The following PDS5A variants were observed in gnomAD, a reference collection of about 807,000 sequenced individuals.
PDS5A encodes PDS5 cohesin associated factor A.
In PDS5A, 42 loss-of-function variants were observed where a neutral mutation model predicts 167.1. That is an observed-to-expected ratio of 0.25 (90% CI 0.20 to 0.33). PDS5A has a LOEUF of 0.33. Ranked by LOEUF, PDS5A falls within the 10% of genes least tolerant of loss-of-function variation. PDS5A has a pLI of 1.00. For missense variants in PDS5A, 1,033 were observed against 1,605.9 expected (o/e 0.64, Z 6.10); for synonymous variants, 553 against 554.6 (o/e 1.00, Z 0.04).
At chr4:39,845,200 T>G (rs953534266) in intron 29 of PDS5A, among the ~76,000 whole-genome samples, 2 of 151,516 alleles carry the variant, frequency 1.3e-5, no homozygotes, top group East Asian at 3.8e-4. Context: ...AAAATGAGAC[T>G]GTCTCAAGAA....
At chr4:39,918,182 C>CAAA (rs11447119) in intron 7 of PDS5A, among the ~76,000 whole-genome samples, 3,527 of 88,414 alleles carry the variant, frequency 0.04, 149 homozygotes, top group East Asian at 0.072. Flanking sequence ...GACCCTGTCT[C>CAAA]AAAAAAAAAA....
intron 12 of PDS5A, 122 bp from the exon 13 acceptor site, chr4:39,902,582 GT>G (rs1722974672): frequency 5.7e-6 from 3 of 528,886 alleles, no homozygotes; most frequent in Non-Finnish European, 6.7e-6. Context: ...GAGTACAGTG[GT>G]GCAAACTCGG....
chr4:39,898,715 G>A (rs574503115), intron 15 of PDS5A, 62 bp downstream of exon 15: 3 of 1,056,890 alleles, frequency 2.8e-6, no homozygotes, highest in Middle Eastern at 2.1e-4. Context: ...AGTCCCACTG[G>A]GTAAATACTT....
chr4:39,946,883 A>G (rs1380000004), intron 2 of PDS5A, among the ~76,000 whole-genome samples: 2 of 152,178 alleles, frequency 1.3e-5, no homozygotes, highest in Admixed American at 6.5e-5. Context: ...ACTGCACTCC[A>G]GCCTGGGCGT....
chr4:39,847,827 C>T (rs539925934), intron 28 of PDS5A: 4 of 152,238 alleles, frequency 2.6e-5, no homozygotes, highest in African/African-American at 9.6e-5. Context: ...TAGGGGTCTC[C>T]AACCCACGAA....
At chr4:39,976,160 T>C in intron 2 of PDS5A, 1 of 232,794 alleles carries the variant, frequency 4.3e-6, no homozygotes, top group Non-Finnish European at 8.4e-6. Flanking sequence ...CTCTGAACAG[T>C]ATTCTCATTA....
intron 26 of PDS5A, among the ~76,000 whole-genome samples, chr4:39,856,383 G>GAAAA (rs1287648868): frequency 1.3e-5 from 2 of 152,198 alleles, no homozygotes; most frequent in Non-Finnish European, 2.9e-5. Flanking sequence ...CCATCAGGCT[G>GAAAA]AAATGAAAGA....
chr4:39,848,055 T>C (rs1717790092), intron 28 of PDS5A: 1 of 152,150 alleles, frequency 6.6e-6, no homozygotes, highest in South Asian at 2.1e-4. Context: ...ATCTAACTAA[T>C]GCCTGATGAC....
At chr4:39,882,314 C>A (rs536815204) in intron 17 of PDS5A, among the ~76,000 whole-genome samples, 4 of 152,298 alleles carry the variant, frequency 2.6e-5, no homozygotes, top group Admixed American at 2.0e-4. Context: ...CTTATATAGC[C>A]TGGATATAAT....
At chr4:39,886,965 G>T (rs1721532713) in intron 17 of PDS5A, among the ~76,000 whole-genome samples, 1 of 151,534 alleles carries the variant, frequency 6.6e-6, no homozygotes, top group Non-Finnish European at 1.5e-5. Flanking sequence ...TTTGTATGTT[G>T]ATTTTGTATC....
intron 17 of PDS5A, among the ~76,000 whole-genome samples, chr4:39,886,479 C>T (rs189247908): frequency 4.6e-5 from 7 of 152,036 alleles, no homozygotes; most frequent in East Asian, 3.9e-4. Flanking sequence ...TTTGGGAGGC[C>T]GAAGTGGGCG....
Position 39,892,112 on chromosome 4 carries a change from C to G in PDS5A, c.1771-1748G>C, listed in dbSNP as rs960001727. The stretch of plus-strand genomic sequence containing the variant: ...CTGTCTCAAAACAAAAAACAAAAAA[C>G]AAAAAAAAGTTAACTATCCATTTAA... On this transcript the variant is annotated intron_variant, in intron 16 of 32. Transcript: ENST00000303538. Among the ~76,000 whole-genome samples the G allele has an allele frequency of 3.3e-5, 5 of 151,220 alleles. No individual in the cohort carries two copies. The East Asian group carries it at 9.8e-4, about 30-fold the overall frequency.
chr4:39,861,916 A>G (rs1256568938), intron 26 of PDS5A, among the ~76,000 whole-genome samples: 5 of 152,212 alleles, frequency 3.3e-5, no homozygotes, highest in Non-Finnish European at 7.3e-5. Flanking sequence ...TACTCTTCCC[A>G]TATTCAAACC....
At position 39,879,792 on chromosome 4, in the gene PDS5A, G is replaced by A. The variant is rs1720782546; in HGVS notation, c.1928C>T (p.Ala643Val). Reference sequence around the variant, plus strand: ...ACTTACACCCTCCTCTTCATCATCTGCTGTCCCCTCTATTGACTTATTCAT... The same window carrying A: ...ACTTACACCCTCCTCTTCATCATCTACTGTCCCCTCTATTGACTTATTCAT... ...KLMNKSIEGT[A>V]DDEEEGVSPD... Residue 643 changes from alanine to valine, a missense_variant, in exon 18 of 33, where the codon GCA becomes GTA. By Grantham distance (64) the Ala-to-Val change is moderately conservative. This residue lies in a region of PDS5A where 367 missense variants were observed against 686.7 expected (regional missense o/e 0.53). Transcript: ENST00000303538. The A allele has an allele frequency of 6.2e-7, 1 of 1,611,492 alleles. No individual in the cohort carries two copies. Among genetic ancestry groups the A allele is most frequent in the Non-Finnish European group, 8.5e-7 (1 of 1,177,836 alleles).
intron 2 of PDS5A, among the ~76,000 whole-genome samples, chr4:39,959,189 C>T (rs62309195): frequency 0.052 from 7,981 of 152,186 alleles, 297 homozygotes; most frequent in Middle Eastern, 0.095. Flanking sequence ...TACTGTTATT[C>T]CCAGTGTCAC....
chr4:39,970,790 C>CTTTTTTTTTTTT (rs35223238), intron 2 of PDS5A, among the ~76,000 whole-genome samples: 1 of 88,496 alleles, frequency 1.1e-5, no homozygotes. Flanking sequence ...CCGCTTGTTC[C>CTTTTTTTTTTTT]TTTTTTTTTT....
At chr4:39,909,889 G>A (rs1158341741) in intron 10 of PDS5A, among the ~76,000 whole-genome samples, 1 of 152,072 alleles carries the variant, frequency 6.6e-6, no homozygotes, top group African/African-American at 2.4e-5. Flanking sequence ...AATGTCTTAA[G>A]AAATACACTA....
chr4:39,865,780 C>T (rs753609535), intron 23 of PDS5A, among the ~76,000 whole-genome samples: 4 of 152,338 alleles, frequency 2.6e-5, no homozygotes, highest in East Asian at 1.9e-4. Flanking sequence ...GGATTACAGG[C>T]GTAAGCCACT....
chr4:39,961,730 A>C (rs1229980858), intron 2 of PDS5A, among the ~76,000 whole-genome samples: 1 of 152,176 alleles, frequency 6.6e-6, no homozygotes, highest in Non-Finnish European at 1.5e-5. Context: ...AACCTCAGCC[A>C]AACTGTTTAA....
Sources: allele counts gnomAD v4.1 joint callset (sites outside exome capture counted in the v4.1 genomes callset), GRCh38; gene constraint gnomAD v4.1.1; regional missense constraint gnomAD v4.1.1; transcripts MANE v1.5; gene names NCBI Gene and HGNC (gene_info 2026-07-23, HGNC 2026-07-21).